Variants in GPLD1 observed in about 807,000 individuals in gnomAD.
The protein encoded by GPLD1 is phosphatidylinositol-glycan-specific phospholipase D.
Under a neutral mutation model 112.6 loss-of-function variants are expected in GPLD1, and 84 were observed. That is an observed-to-expected ratio of 0.75 (90% CI 0.63 to 0.89). GPLD1 has a LOEUF of 0.89. Ranked by LOEUF, GPLD1 falls within the 40% of genes least tolerant of loss-of-function variation. The pLI is 0.00. For missense variants in GPLD1, 1,044 were observed against 1,051.5 expected (o/e 0.99, Z 0.10); for synonymous variants, 386 against 403.8 (o/e 0.96, Z 0.53).
At chr6:24,436,776 CCTCA>C (rs754834304) in intron 21 of GPLD1, 40 bp from the exon 22 acceptor site, 26 of 1,594,976 alleles carry the variant, frequency 1.6e-5, no homozygotes, top group South Asian at 4.5e-5. Context: ...GTATTTGACT[CCTCA>C]CTGTCATCTT....
intron 7 of GPLD1, among the ~76,000 whole-genome samples, chr6:24,469,238 GAAC>G (rs1187340182): frequency 4.0e-5 from 6 of 148,260 alleles, no homozygotes; most frequent in African/African-American, 1.5e-4. Flanking sequence ...CAGGGATCTA[GAAC>G]TAGAAATACC....
intron 12 of GPLD1, among the ~76,000 whole-genome samples, chr6:24,458,598 G>T (rs1423474020): frequency 6.6e-6 from 1 of 152,166 alleles, no homozygotes; most frequent in Non-Finnish European, 1.5e-5. Context: ...AATTGTTAAA[G>T]CCGGGTGTGG....
At chr6:24,429,497 T>G (rs1762335818) in intron 24 of GPLD1, among the ~76,000 whole-genome samples, 2 of 152,160 alleles carry the variant, frequency 1.3e-5, no homozygotes, top group African/African-American at 4.8e-5. Context: ...CTTAAAACAT[T>G]TTAGGACCCA....
exon 1 of GPLD1, chr6:24,495,129 C>T (rs1045445950): frequency 7.2e-7 from 1 of 1,388,486 alleles, no homozygotes; most frequent in South Asian, 1.6e-5. Flanking sequence ...GGCCCAGCTC[C>T]GCTGCTACGC....
intron 11 of GPLD1, among the ~76,000 whole-genome samples, chr6:24,462,289 T>C (rs559501571): frequency 6.6e-6 from 1 of 152,012 alleles, no homozygotes; most frequent in Non-Finnish European, 1.5e-5. Flanking sequence ...CACACCACCA[T>C]ACCTGGCTAA....
intron 5 of GPLD1, among the ~76,000 whole-genome samples, chr6:24,474,706 C>G (rs1044090595): frequency 6.6e-6 from 1 of 152,100 alleles, no homozygotes; most frequent in Non-Finnish European, 1.5e-5. Context: ...CTTTGGGAGA[C>G]CAAGGCAGGC....
At chr6:24,484,069 C>A (rs372030541) in intron 2 of GPLD1, among the ~76,000 whole-genome samples, 12 of 151,588 alleles carry the variant, frequency 7.9e-5, no homozygotes, top group African/African-American at 2.7e-4. Context: ...GCGCCCACCA[C>A]GATGCCCGGC....
In GPLD1 at chr6:24,445,740, T is replaced by C. The variant is rs1245114492; in HGVS notation, c.1912A>G (p.Ile638Val). 6.8e-6 allele frequency: 11 copies of C among 1,613,362 alleles called. No homozygotes were observed. The highest frequency in any genetic ancestry group is 4.0e-5 in the African/African-American group (3 of 74,848). The change falls in exon 19 of 25, where the codon ATT becomes GTT. Residue 638 changes from isoleucine (I) to valine (V), a missense_variant. Ile to Val is a conservative substitution (Grantham distance 29, BLOSUM62 3). Transcript: ENST00000230036. ...FPPNGQSWFT[I>V]SGDKAMGKLG... Reference sequence around the variant, plus strand: ...GCTTGTCATACCTTGTCTCCAGAAATGGTAAACCAGCTTTGGCCGTTTGGT... The same window carrying C: ...GCTTGTCATACCTTGTCTCCAGAAACGGTAAACCAGCTTTGGCCGTTTGGT...
intron 20 of GPLD1, among the ~76,000 whole-genome samples, chr6:24,438,858 C>T (rs1251945604): frequency 6.6e-6 from 1 of 152,088 alleles, no homozygotes; most frequent in Non-Finnish European, 1.5e-5. Flanking sequence ...GTGATCTCGG[C>T]TCACTGCAAC....
intron 7 of GPLD1, among the ~76,000 whole-genome samples, chr6:24,471,033 T>C (rs953374088): frequency 6.6e-6 from 1 of 152,148 alleles, no homozygotes; most frequent in Non-Finnish European, 1.5e-5. Flanking sequence ...AGGCAAAGAA[T>C]AGGCAAGGTA....
intron 14 of GPLD1, among the ~76,000 whole-genome samples, chr6:24,451,216 A>T (rs1763069667): frequency 6.6e-6 from 1 of 152,176 alleles, no homozygotes; most frequent in Non-Finnish European, 1.5e-5. Context: ...ACAGATGGAA[A>T]ACTCAATCTC....
chr6:24,452,761 G>GA (rs1482719627), intron 14 of GPLD1, among the ~76,000 whole-genome samples: 1 of 123,948 alleles, frequency 8.1e-6, no homozygotes, highest in African/African-American at 3.2e-5. Context: ...GGGCAACAGT[G>GA]AGAGTTTATC....
intron 10 of GPLD1, among the ~76,000 whole-genome samples, chr6:24,463,902 T>C (rs1004304329): frequency 6.6e-6 from 1 of 152,224 alleles, no homozygotes; most frequent in Non-Finnish European, 1.5e-5. Flanking sequence ...AGCAATCAAC[T>C]CATGGAATTT....
intron 20 of GPLD1, among the ~76,000 whole-genome samples, chr6:24,444,760 G>GT (rs1762853214): frequency 6.6e-6 from 1 of 152,052 alleles, no homozygotes; most frequent in African/African-American, 2.4e-5. Flanking sequence ...TGAGGTGCAA[G>GT]GTTCACTTTG....
In GPLD1 at chr6:24,425,904, C is replaced by T. The variant is rs960765691; in HGVS notation, c.*3128G>A. 1.3e-5 allele frequency: 2 copies of T among 152,098 alleles called. No individual in the cohort carries two copies. The highest frequency in any genetic ancestry group is 4.8e-5 in the African/African-American group (2 of 41,422). The allele number at this position is 152,098 out of a possible 1,614,324, so 9.4% of individuals were successfully genotyped here. A position where few individuals can be genotyped will look rare whatever the true frequency, so the allele number is the denominator to read the frequency against. ...TATACAGCTTTATTTTTTGGAATTG[C>T]AATATTAAAGTTGCACGTTGGATTT... On this transcript the variant is annotated 3_prime_UTR_variant, in exon 25 of 25. Coordinates refer to ENST00000230036, the MANE Select transcript of GPLD1 (RefSeq NM_001503.4).
exon 1 of GPLD1, chr6:24,495,061 G>C: frequency 2.2e-6 from 3 of 1,341,564 alleles, no homozygotes; most frequent in Non-Finnish European, 2.9e-6. Flanking sequence ...TTTCCAGGCT[G>C]CCGCCTCCGC....
chr6:24,468,698 C>T (rs753362222), intron 7 of GPLD1, among the ~76,000 whole-genome samples: 7 of 152,122 alleles, frequency 4.6e-5, no homozygotes, highest in Non-Finnish European at 7.4e-5. Context: ...AGACTACAGG[C>T]ATGCGCCACC....
intron 24 of GPLD1, among the ~76,000 whole-genome samples, chr6:24,432,687 G>A (rs980860214): frequency 1.3e-5 from 2 of 152,204 alleles, no homozygotes; most frequent in African/African-American, 4.8e-5. Context: ...GCAAGGGCCA[G>A]CAAACAATTT....
upstream of GPLD1, chr6:24,495,251 C>T (rs1307947596): frequency 2.0e-6 from 3 of 1,526,850 alleles, no homozygotes; most frequent in South Asian, 2.4e-5. Flanking sequence ...CCAGCGGCGC[C>T]GCTCTGGGCA....
Sources: gnomAD v4.1 joint callset for allele counts (sites outside exome capture counted in the v4.1 genomes callset) on GRCh38, gnomAD v4.1.1 for gene constraint, MANE v1.5 for transcripts, NCBI Gene and HGNC (gene_info 2026-07-23, HGNC 2026-07-21) for gene names.